The following NKAIN2 variants were observed in gnomAD, a reference collection of about 807,000 sequenced individuals.
NKAIN2 encodes the protein sodium/potassium-transporting ATPase subunit beta-1-interacting protein 2.
In NKAIN2, 14 loss-of-function variants were observed where a neutral mutation model predicts 32.6. That is an observed-to-expected ratio of 0.43 (90% confidence interval 0.28 to 0.67). NKAIN2 has a LOEUF of 0.67. NKAIN2 is among the 30% of genes least tolerant of loss of function. The probability of loss-of-function intolerance (pLI) is 0.17; values close to 1 mark genes in which losing one functional copy is unlikely to be tolerated. For synonymous variants in NKAIN2, 80 were observed against 87.2 expected, an observed-to-expected ratio of 0.92 and a Z score of 0.46; for missense variants, 198 against 258.3, an observed-to-expected ratio of 0.77 and a Z score of 1.60.
intron 1 of NKAIN2, among the ~76,000 whole-genome samples, chr6:124,193,807 G>A (rs1790155201): frequency 6.6e-6 from 1 of 151,998 alleles, no homozygotes; most frequent in African/African-American, 2.4e-5. Flanking sequence ...CTGCCAGGGT[G>A]TCCTGAGGAG....
At chr6:123,982,390 A>AG (rs1334060944) in intron 1 of NKAIN2, among the ~76,000 whole-genome samples, 1 of 152,214 alleles carries the variant, frequency 6.6e-6, no homozygotes, top group Non-Finnish European at 1.5e-5. Context: ...AGGTGACTTT[A>AG]GGTTAGATGT....
rs114629211 is a variant in NKAIN2, at chr6:123,916,189, A to C, written c.54+111935A>C. Among the ~76,000 whole-genome samples the C allele has an allele frequency of 5.1e-3, 772 of 152,278 alleles. 9 individuals carry two copies. The highest frequency in any genetic ancestry group is 0.016 in the African/African-American group (658 of 41,566). On this transcript the variant is annotated intron_variant, in intron 1 of 6. Coordinates refer to ENST00000368417, the MANE Select transcript of NKAIN2 (RefSeq NM_001040214.3). ...ACTTTGAGATAAGAGGGTATCATGA[A>C]AGAATTTTAATGGAAATTTTGGGTA...
At chr6:124,359,566 C>G (rs537554950) in intron 3 of NKAIN2, among the ~76,000 whole-genome samples, 63 of 152,162 alleles carry the variant, frequency 4.1e-4, no homozygotes, top group African/African-American at 1.4e-3. Context: ...TGATTTGGCT[C>G]TCTGTTTGTC....
At chr6:124,744,958 G>A (rs997813987) in intron 4 of NKAIN2, among the ~76,000 whole-genome samples, 7 of 151,736 alleles carry the variant, frequency 4.6e-5, no homozygotes, top group Non-Finnish European at 1.5e-5. Context: ...CCAGTAAAGG[G>A]CAAATGTCTC....
chr6:123,850,355 A>AAAAT lies in NKAIN2; in HGVS notation c.54+46102_54+46103insAATA, dbSNP rs1262534272. Among the ~76,000 whole-genome samples the AAAAT allele has an allele frequency of 4.1e-3, 550 of 133,444 alleles. 2 individuals carry two copies. The highest frequency in any genetic ancestry group is 0.015 in the African/African-American group (513 of 34,070). 87.5% of individuals were successfully genotyped at this position (133,444 alleles called of 152,430 possible). ...TTGCAAGCTGCTGAAAAAAAAAAAA[A>AAAAT]ATATATATATATATATACACACACA... On this transcript the variant is annotated intron_variant, in intron 1 of 6. Transcript: ENST00000368417.
chr6:124,254,930 C>T (rs1193109908), intron 1 of NKAIN2, among the ~76,000 whole-genome samples: 1 of 152,120 alleles, frequency 6.6e-6, no homozygotes, highest in Non-Finnish European at 1.5e-5. Flanking sequence ...GCTTAATAGC[C>T]TTTCTCGTTA....
chr6:124,592,684 A>G (rs1781952833), intron 3 of NKAIN2, among the ~76,000 whole-genome samples: 1 of 152,222 alleles, frequency 6.6e-6, no homozygotes, highest in Non-Finnish European at 1.5e-5. Context: ...AAACCATGCT[A>G]ACAACAAGCC....
chr6:124,407,325 C>T (rs1773908132), intron 3 of NKAIN2, among the ~76,000 whole-genome samples: 1 of 151,462 alleles, frequency 6.6e-6, no homozygotes, highest in Non-Finnish European at 1.5e-5. Flanking sequence ...AGGTATATCT[C>T]CTAATGCTAT....
chr6:124,370,346 A>G (rs1049878454), intron 3 of NKAIN2, among the ~76,000 whole-genome samples: 1 of 152,026 alleles, frequency 6.6e-6, no homozygotes, highest in Non-Finnish European at 1.5e-5. Context: ...ATTTTTAATA[A>G]CGCAAAATGT....
At chr6:124,391,377 G>A (rs1004916229) in intron 3 of NKAIN2, among the ~76,000 whole-genome samples, 2 of 152,070 alleles carry the variant, frequency 1.3e-5, no homozygotes, top group African/African-American at 4.8e-5. Flanking sequence ...TCTGTCAGTG[G>A]CAATTTGGTA....
At position 124,259,194 on chromosome 6, in the gene NKAIN2, A is replaced by G. The variant is rs186169843; in HGVS notation, c.55-23811A>G. On this transcript the variant is annotated intron_variant, in intron 1 of 6. Transcript: ENST00000368417. ...CACTCTCTACTTAAAAGCCCTTCTC[A>G]GCCATTTTCTGTCTCAAATTGGAAT... is the stretch of plus-strand genomic sequence containing the variant. Among the ~76,000 whole-genome samples the G allele has an allele frequency of 1.8e-3, 271 of 152,274 alleles. 2 individuals are homozygous for G. Among genetic ancestry groups the G allele is most frequent in the Non-Finnish European group, 2.0e-3 (136 of 68,030 alleles).
At chr6:124,579,262 G>C (rs898886188) in intron 3 of NKAIN2, among the ~76,000 whole-genome samples, 2 of 152,178 alleles carry the variant, frequency 1.3e-5, no homozygotes, top group African/African-American at 4.8e-5. Context: ...ACTTAAATAA[G>C]GCACCAGGGG....
At chr6:124,510,308 T>C (rs1454025519) in intron 3 of NKAIN2, among the ~76,000 whole-genome samples, 1 of 152,178 alleles carries the variant, frequency 6.6e-6, no homozygotes, top group Admixed American at 6.5e-5. Context: ...AGAATTTGAA[T>C]GGGATCTTAT....
At chr6:124,174,468 A>C (rs547826445) in intron 1 of NKAIN2, among the ~76,000 whole-genome samples, 3 of 152,086 alleles carry the variant, frequency 2.0e-5, no homozygotes, top group Non-Finnish European at 4.4e-5. Context: ...ATGAAGAAAA[A>C]CTCATAATTT....
chr6:123,970,642 G>T (rs1030510563), intron 1 of NKAIN2, among the ~76,000 whole-genome samples: 7 of 152,052 alleles, frequency 4.6e-5, no homozygotes, highest in South Asian at 2.1e-4. Context: ...ACTTTGGGAG[G>T]CCAAGGAGGG....
chr6:123,852,967 C>T (rs1292469187), intron 1 of NKAIN2, among the ~76,000 whole-genome samples: 2 of 152,084 alleles, frequency 1.3e-5, no homozygotes, highest in Non-Finnish European at 2.9e-5. Flanking sequence ...AATGTTGTAC[C>T]ATGTTTTACA....
At chr6:124,114,065 G>A (rs572506878) in intron 1 of NKAIN2, among the ~76,000 whole-genome samples, 9 of 152,036 alleles carry the variant, frequency 5.9e-5, no homozygotes, top group Admixed American at 1.3e-4. Context: ...ACACTGTAAG[G>A]TATCTTCCAG....
chr6:123,859,327 T>G (rs535236912), intron 1 of NKAIN2, among the ~76,000 whole-genome samples: 23 of 152,176 alleles, frequency 1.5e-4, no homozygotes, highest in Non-Finnish European at 2.6e-4. Flanking sequence ...CAAAAGATTA[T>G]GTGATGAGTT....
intron 4 of NKAIN2, among the ~76,000 whole-genome samples, chr6:124,787,823 A>T (rs9321006): frequency 2.0e-5 from 3 of 151,902 alleles, no homozygotes; most frequent in Non-Finnish European, 4.4e-5. Context: ...CTTTGCTTCC[A>T]TTATTCTAGT....
Sources: allele counts gnomAD v4.1 joint callset (sites outside exome capture counted in the v4.1 genomes callset), GRCh38; gene constraint gnomAD v4.1.1; transcripts MANE v1.5; gene names NCBI Gene and HGNC (gene_info 2026-07-23, HGNC 2026-07-21).